The following LMBR1 variants were observed in gnomAD, a reference collection of about 807,000 sequenced individuals.
LMBR1 encodes limb region 1 protein homolog.
A neutral mutation model predicts 73.9 loss-of-function variants in LMBR1; 52 were observed. The observed-to-expected ratio is 0.70, with a 90% CI of 0.56 to 0.89. The LOEUF is 0.89. LMBR1 is among the 40% of genes least tolerant of loss of function. The pLI, the probability that LMBR1 is intolerant of heterozygous loss-of-function variation, is 0.00. For synonymous variants in LMBR1, 215 were observed against 209.4 expected (o/e 1.03, Z -0.23); for missense variants, 539 against 579.8 (o/e 0.93, Z 0.72).
At chr7:156,753,580 G>C (rs1361684335) in intron 9 of LMBR1, among the ~76,000 whole-genome samples, 1 of 152,088 alleles carries the variant, frequency 6.6e-6, no homozygotes, top group Non-Finnish European at 1.5e-5. Flanking sequence ...AGAAGCTAGA[G>C]GAAAGTGGAA....
At chr7:156,780,576 C>T (rs1009679539) in intron 5 of LMBR1, among the ~76,000 whole-genome samples, 1 of 152,182 alleles carries the variant, frequency 6.6e-6, no homozygotes, top group African/African-American at 2.4e-5. Context: ...ACTAGTAAGG[C>T]TCTTTTCTTC....
rs1299759650 is a variant in LMBR1, at chr7:156,762,990, A to C, written c.619+118T>G. ...AAATTTATTTTGAATAAAAATAGTT[A>C]AGGCGAACTCAAAAAAAATCCAAAT... On this transcript the variant is annotated intron_variant, in intron 7 of 16. Transcript: ENST00000353442. 5.1e-6 allele frequency: 3 copies of C among 592,610 alleles called. No individual in the cohort carries two copies. The African/African-American group carries it at 6.0e-5, about 12-fold the overall frequency. The allele number at this position is 592,610 out of a possible 1,614,324, so 36.7% of individuals were successfully genotyped here.
At chr7:156,853,767 C>G (rs1039291971) in intron 1 of LMBR1, among the ~76,000 whole-genome samples, 1 of 151,952 alleles carries the variant, frequency 6.6e-6, no homozygotes, top group Non-Finnish European at 1.5e-5. Context: ...GGAATTCTCC[C>G]GCCTCAGCCT....
chr7:156,684,211 G>A (rs754627996), intron 16 of LMBR1, 48 bp from the exon 17 acceptor site: 32 of 1,421,422 alleles, frequency 2.3e-5, no homozygotes, highest in Middle Eastern at 1.7e-4. Flanking sequence ...TTGCTGAGTG[G>A]CTGGGAAAGG....
At position 156,685,955 on chromosome 7, in the gene LMBR1, A is replaced by G. The variant is rs1805919253; in HGVS notation, c.1388-1792T>C. Among the ~76,000 whole-genome samples, 1 of 152,230 alleles carries G rather than the reference A, an allele frequency of 6.6e-6. No homozygotes were observed. Among genetic ancestry groups the G allele is most frequent in the Admixed American group, 6.5e-5 (1 of 15,284 alleles). On this transcript the variant is annotated intron_variant, in intron 16 of 16. Transcript: ENST00000353442. This position sits in a 1 kb window ranked among gnomAD's most constrained non-coding sequence, Gnocchi z 4.1. The stretch of plus-strand genomic sequence containing the variant: ...TGCATATCTTAATGAAAGAAAAGGT[A>G]AAACTGAGCCTATGTTTGAATGGGA...
At chr7:156,674,558 CTG>C (rs1215781753), downstream of LMBR1, among the ~76,000 whole-genome samples, 1 of 152,196 alleles carries the variant, frequency 6.6e-6, no homozygotes, top group Non-Finnish European at 1.5e-5. Flanking sequence ...GGTGGCCACT[CTG>C]TAATGACTCA....
intron 4 of LMBR1, among the ~76,000 whole-genome samples, chr7:156,802,117 G>A (rs1016380400): frequency 6.6e-6 from 1 of 151,992 alleles, no homozygotes; most frequent in Non-Finnish European, 1.5e-5. Flanking sequence ...TGAGTAGCTG[G>A]GATAACAGGC....
At chr7:156,725,676 G>T in intron 13 of LMBR1, 88 bp downstream of exon 13, 1 of 1,331,566 alleles carries the variant, frequency 7.5e-7, no homozygotes, top group South Asian at 1.3e-5. Flanking sequence ...TTCTCTTCTA[G>T]ACAAGTGTCT....
intron 4 of LMBR1, among the ~76,000 whole-genome samples, chr7:156,824,141 C>T (rs916192780): frequency 1.3e-5 from 2 of 150,050 alleles, no homozygotes; most frequent in African/African-American, 4.9e-5. Flanking sequence ...TATATATACA[C>T]ACGCGCGCGC....
intron 15 of LMBR1, among the ~76,000 whole-genome samples, chr7:156,720,935 A>G (rs1227931448): frequency 6.6e-6 from 1 of 152,048 alleles, no homozygotes; most frequent in Non-Finnish European, 1.5e-5. Flanking sequence ...AGGGATTACC[A>G]AAACCCCAAA....
intron 3 of LMBR1, among the ~76,000 whole-genome samples, chr7:156,827,433 C>A (rs1218868683): frequency 2.0e-5 from 3 of 152,018 alleles, no homozygotes; most frequent in East Asian, 1.9e-4. Flanking sequence ...GTTCTCCCCC[C>A]ACCAAATGCA....
chr7:156,870,208 A>C (rs1316933286), intron 1 of LMBR1, among the ~76,000 whole-genome samples: 5 of 152,214 alleles, frequency 3.3e-5, no homozygotes, highest in African/African-American at 1.2e-4. Context: ...CTGTAGACCA[A>C]ATGAATCTAA....
rs147763054 is a variant in LMBR1 at position 156,715,096 on chromosome 7, C to T, written c.1225+9016G>A. Among the ~76,000 whole-genome samples, 200 of 151,814 alleles carry T rather than the reference C, an allele frequency of 1.3e-3. 1 individual carries two copies. The highest frequency in any genetic ancestry group is 3.9e-3 in the African/African-American group (163 of 41,374). On this transcript the variant is annotated intron_variant, in intron 15 of 16. Transcript: ENST00000353442. ...CCTTCCAAGTAGCTGGGATTACAGG[C>T]GCACGCTACCACACTTGGCTAATTT...
At chr7:156,841,473 A>C (rs555232053) in intron 1 of LMBR1, among the ~76,000 whole-genome samples, 2 of 152,232 alleles carry the variant, frequency 1.3e-5, no homozygotes, top group East Asian at 3.9e-4. Flanking sequence ...GAGAATAGAG[A>C]CCTAGAGCTC....
At chr7:156,825,901 T>A (rs118111514) in intron 4 of LMBR1, among the ~76,000 whole-genome samples, 1 of 152,378 alleles carries the variant, frequency 6.6e-6, no homozygotes, top group East Asian at 1.9e-4. Flanking sequence ...GTACTTGACA[T>A]AGAGTGTTTT....
chr7:156,889,806 C>T (rs12539560), intron 1 of LMBR1, among the ~76,000 whole-genome samples: 15,536 of 152,106 alleles, frequency 0.1, 896 homozygotes, highest in African/African-American at 0.13. Context: ...CTGGGCAACA[C>T]GGTGAGACCT....
At chr7:156,703,484 A>C (rs556168860) in intron 15 of LMBR1, among the ~76,000 whole-genome samples, 26 of 152,278 alleles carry the variant, frequency 1.7e-4, no homozygotes, top group African/African-American at 6.3e-4. Context: ...TCTAGGACTG[A>C]CTAGATACCT....
intron 3 of LMBR1, among the ~76,000 whole-genome samples, chr7:156,831,706 A>G (rs1836724798): frequency 6.6e-6 from 1 of 152,210 alleles, no homozygotes; most frequent in Non-Finnish European, 1.5e-5. Flanking sequence ...AGCAGGTAAG[A>G]TGCTCCTGGG....
rs60673428 is a variant in LMBR1, at chr7:156,745,386, C to T, written c.757+11007G>A. On this transcript the variant is annotated intron_variant, in intron 9 of 16. Coordinates refer to ENST00000353442, the MANE Select transcript of LMBR1 (RefSeq NM_022458.4). ...ACAACTGGTAATTTTTCTCTATCCA[C>T]CTCTGTTGTTCCCTTCATCTCTAAT... Among the ~76,000 whole-genome samples, 156 of 152,304 alleles carry T rather than the reference C, an allele frequency of 1.0e-3. 1 individual carries two copies. Among genetic ancestry groups the T allele is most frequent in the African/African-American group, 3.6e-3 (150 of 41,562 alleles).
Sources: gnomAD v4.1 joint callset for allele counts (sites outside exome capture counted in the v4.1 genomes callset) on GRCh38, gnomAD v4.1.1 for gene constraint, Gnocchi (gnomAD v3.1) non-coding constraint, MANE v1.5 for transcripts, NCBI Gene and HGNC (gene_info 2026-07-23, HGNC 2026-07-21) for gene names.